UGT2B7: variants seen among roughly 807,000 people sequenced by gnomAD.
UGT2B7 encodes UDP glucuronosyltransferase family 2 member B7.
A neutral mutation model predicts 51.9 loss-of-function variants in UGT2B7; 51 were observed. That is an observed-to-expected ratio of 0.98 (90% CI 0.78 to 1.24). The LOEUF (loss-of-function observed/expected upper bound fraction) is 1.24. UGT2B7 is among the 50% of genes most tolerant of loss of function. The pLI, the probability that UGT2B7 is intolerant of heterozygous loss-of-function variation, is 0.00. For synonymous variants in UGT2B7, 225 were observed against 211.6 expected (o/e 1.06, Z -0.55); for missense variants, 727 against 628.4 (o/e 1.16, Z -1.68).
intron 3 of UGT2B7, among the ~76,000 whole-genome samples, chr4:69,103,590 T>C (rs1223479959): frequency 1.3e-5 from 2 of 152,160 alleles, no homozygotes; most frequent in Admixed American, 6.5e-5. Context: ...TCAGGTGTTT[T>C]CACAAAAAAC....
intron 1 of UGT2B7, among the ~76,000 whole-genome samples, chr4:69,073,251 G>A (rs1718637847): frequency 6.6e-6 from 1 of 152,034 alleles, no homozygotes; most frequent in Admixed American, 6.6e-5. Flanking sequence ...ACCCAAAAAT[G>A]GATATTAACT....
intron 1 of UGT2B7, among the ~76,000 whole-genome samples, chr4:69,080,247 C>T (rs1282130909): frequency 6.6e-6 from 1 of 152,012 alleles, no homozygotes; most frequent in African/African-American, 2.4e-5. Flanking sequence ...TCCTTTCTCC[C>T]TCTCTCAAAA....
At chr4:69,100,896 A>G (rs1719397266) in intron 2 of UGT2B7, among the ~76,000 whole-genome samples, 1 of 152,156 alleles carries the variant, frequency 6.6e-6, no homozygotes. Context: ...GACAAAATGT[A>G]TCAGGTGTTT....
Position 69,112,366 on chromosome 4 carries a change from G to A in UGT2B7, c.1311-91G>A, listed in dbSNP as rs912712738. On this transcript the variant is annotated intron_variant, in intron 5 of 5. Transcript: ENST00000305231. ...AGGAGTCTTGCCGATGCTCCCAGCC[G>A]AATAAAACCCTTCCTTCTTTAACTC... 48 of 1,501,034 alleles carry A rather than the reference G, an allele frequency of 3.2e-5. No individual in the cohort carries two copies. The Admixed American group carries it at 4.2e-4, about 13-fold the overall frequency. The allele number at this position is 1,501,034 out of a possible 1,614,324, so 93.0% of individuals were successfully genotyped here. A position where few individuals can be genotyped will look rare whatever the true frequency, so the allele number is the denominator to read the frequency against.
chr4:69,054,477 G>C (rs907869691), intron 1 of UGT2B7, among the ~76,000 whole-genome samples: 2 of 152,114 alleles, frequency 1.3e-5, no homozygotes, highest in Non-Finnish European at 2.9e-5. Context: ...GTTACACTAA[G>C]TAGATACCAA....
At chr4:69,065,698 A>C (rs1718466506) in intron 1 of UGT2B7, among the ~76,000 whole-genome samples, 1 of 152,284 alleles carries the variant, frequency 6.6e-6, no homozygotes, top group Admixed American at 6.5e-5. Context: ...TTTTTTAGTA[A>C]ATTGTCAGAT....
Position 69,112,927 on chromosome 4 carries a change from A to G in UGT2B7, c.*191A>G. ...GAGATTTACCACCCAGTTCATGGTT[A>G]GAAATATTTTGTGGCAATGAAGAAA... is the stretch of plus-strand genomic sequence containing the variant. On this transcript the variant is annotated 3_prime_UTR_variant, in exon 6 of 6. Transcript: ENST00000305231. The G allele has an allele frequency of 2.4e-6, 2 of 834,944 alleles. No homozygotes were observed. The highest frequency in any genetic ancestry group is 3.4e-6 in the Non-Finnish European group (2 of 588,784). The allele number at this position is 834,944 out of a possible 1,614,324, so 51.7% of individuals were successfully genotyped here. A position where few individuals can be genotyped will look rare whatever the true frequency, so the allele number is the denominator to read the frequency against.
At chr4:69,055,654 C>A (rs1718173978) in intron 1 of UGT2B7, among the ~76,000 whole-genome samples, 1 of 152,186 alleles carries the variant, frequency 6.6e-6, no homozygotes, top group Non-Finnish European at 1.5e-5. Flanking sequence ...CTACAAGTCA[C>A]TTCACGTTAT....
chr4:69,069,954 T>C (rs1718565533), intron 1 of UGT2B7: 1 of 152,114 alleles, frequency 6.6e-6, no homozygotes, highest in Non-Finnish European at 1.5e-5. Flanking sequence ...GTCACCACTA[T>C]GTATCAAGGT....
intron 5 of UGT2B7, among the ~76,000 whole-genome samples, chr4:69,109,659 C>T (rs1719717412): frequency 6.6e-6 from 1 of 151,636 alleles, no homozygotes; most frequent in South Asian, 2.1e-4. Context: ...ATATTTTGTC[C>T]CACTCTGGGT....
intron 1 of UGT2B7, among the ~76,000 whole-genome samples, chr4:69,053,875 G>A (rs1013893983): frequency 1.3e-5 from 2 of 152,018 alleles, no homozygotes; most frequent in Non-Finnish European, 1.5e-5. Flanking sequence ...AGTCCATTTG[G>A]CTATCCCTTT....
chr4:69,078,775 T>A (rs1718772052), intron 1 of UGT2B7, among the ~76,000 whole-genome samples: 1 of 152,104 alleles, frequency 6.6e-6, no homozygotes. Flanking sequence ...CTCTTGCAGA[T>A]GTGATCCATC....
chr4:69,087,018 G>T (rs918917299), intron 1 of UGT2B7, among the ~76,000 whole-genome samples: 1 of 150,534 alleles, frequency 6.6e-6, no homozygotes, highest in South Asian at 2.1e-4. Context: ...TTGTTTTCTA[G>T]GTTAGTTTCT....
At chr4:69,073,473 C>G (rs1253385942) in intron 1 of UGT2B7, among the ~76,000 whole-genome samples, 1 of 152,028 alleles carries the variant, frequency 6.6e-6, no homozygotes, top group East Asian at 1.9e-4. Context: ...GATCTAGAAT[C>G]CTGATTCATC....
chr4:69,057,280 A>G (rs1718226150), intron 1 of UGT2B7, among the ~76,000 whole-genome samples: 1 of 152,174 alleles, frequency 6.6e-6, no homozygotes. Context: ...AGCTGAATAA[A>G]GCCCTTCCTT....
At chr4:69,078,922 C>G (rs915641426) in intron 1 of UGT2B7, among the ~76,000 whole-genome samples, 1 of 152,102 alleles carries the variant, frequency 6.6e-6, no homozygotes, top group Non-Finnish European at 1.5e-5. Context: ...ACTTGGGTTT[C>G]CTGGGATAAC....
chr4:69,112,843 A>G lies in UGT2B7; in HGVS notation c.*107A>G, dbSNP rs1719824304. On this transcript the variant is annotated 3_prime_UTR_variant, in exon 6 of 6. Transcript: ENST00000305231. Reference sequence around the variant, plus strand: ...ATTTCTTTCTTCCTGAGACAAAAAAAAAAAAAGAAAAAAAAATCTTTTCAA... The same window carrying G: ...ATTTCTTTCTTCCTGAGACAAAAAAGAAAAAAGAAAAAAAAATCTTTTCAA... The G allele has an allele frequency of 1.4e-6, 2 of 1,393,796 alleles. No individual in the cohort carries two copies. The highest frequency in any genetic ancestry group is 1.9e-6 in the Non-Finnish European group (2 of 1,061,194). The allele number at this position is 1,393,796 out of a possible 1,614,324, so 86.3% of individuals were successfully genotyped here.
At chr4:69,054,003 G>T (rs546019771) in intron 1 of UGT2B7, among the ~76,000 whole-genome samples, 2 of 152,218 alleles carry the variant, frequency 1.3e-5, no homozygotes, top group Admixed American at 1.3e-4. Context: ...TTAGAGCCCC[G>T]CAAGGAATAC....
At chr4:69,083,069 CA>C (rs1335383202) in intron 1 of UGT2B7, among the ~76,000 whole-genome samples, 2 of 152,102 alleles carry the variant, frequency 1.3e-5, no homozygotes, top group Non-Finnish European at 2.9e-5. Context: ...GCCTAGATGA[CA>C]GCACATATTT....
Sources: allele counts gnomAD v4.1 joint callset (sites outside exome capture counted in the v4.1 genomes callset), GRCh38; gene constraint gnomAD v4.1.1; transcripts MANE v1.5; gene names NCBI Gene and HGNC (gene_info 2026-07-23, HGNC 2026-07-21).